Variants in CELF2 observed in about 807,000 individuals in gnomAD.
The protein encoded by CELF2 is CUG triplet repeat RNA-binding protein 2.
A neutral mutation model predicts 62.6 loss-of-function variants in CELF2; 8 were observed. The observed-to-expected ratio is 0.13, with a 90% CI of 0.07 to 0.23. The LOEUF is 0.23. CELF2 is among the 10% of genes least tolerant of loss of function. The pLI is 1.00. For synonymous variants in CELF2, 258 were observed against 250.0 expected, an observed-to-expected ratio of 1.03 and a Z score of -0.30; for missense variants, 333 against 671.0, an observed-to-expected ratio of 0.50 and a Z score of 5.56.
chr10:10,468,998 T>G, the CELF2 span, among the ~76,000 whole-genome samples: 1 of 151,954 alleles, frequency 6.6e-6, no homozygotes, highest in Non-Finnish European at 1.5e-5. Context: ...AGTATGAACT[T>G]ATTACAGTGC....
the CELF2 span, among the ~76,000 whole-genome samples, chr10:10,661,494 A>C: frequency 6.6e-6 from 1 of 152,220 alleles, no homozygotes; most frequent in African/African-American, 2.4e-5. Context: ...GGCCTTTTGA[A>C]GATATATGTC....
chr10:10,480,224 C>T, the CELF2 span, among the ~76,000 whole-genome samples: 157 of 152,256 alleles, frequency 1.0e-3, no homozygotes, highest in Non-Finnish European at 1.9e-3. Flanking sequence ...TGTGAAAACA[C>T]GGGAGCCCAA....
chr10:11,293,415 C>T (rs1215759721), intron 9 of CELF2, among the ~76,000 whole-genome samples: 2 of 152,260 alleles, frequency 1.3e-5, no homozygotes, highest in African/African-American at 4.8e-5. Flanking sequence ...AATGCCACCT[C>T]TACCATGAAG....
chr10:10,965,198 C>A (rs2049990916), intron 2 of CELF2, among the ~76,000 whole-genome samples: 1 of 152,006 alleles, frequency 6.6e-6, no homozygotes, highest in East Asian at 1.9e-4. Flanking sequence ...ATGAATATAG[C>A]CCTCTCTCTT....
intron 2 of CELF2, among the ~76,000 whole-genome samples, chr10:11,200,817 G>A (rs7085721): frequency 0.61 from 92,586 of 152,078 alleles, 29,142 homozygotes; most frequent in Non-Finnish European, 0.68. Context: ...AAAAGAAGAC[G>A]GAAATTAACT....
rs1034203566 is a variant in CELF2, at chr10:11,098,578, A to C, written c.75-66908A>C. 6.6e-6 allele frequency: 1 copy of C among 152,234 alleles called. No individual in the cohort carries two copies. The highest frequency in any genetic ancestry group is 2.4e-5 in the African/African-American group (1 of 41,460). The allele number at this position is 152,234 out of a possible 1,614,324, so 9.4% of individuals were successfully genotyped here. A position where few individuals can be genotyped will look rare whatever the true frequency, so the allele number is the denominator to read the frequency against. On this transcript the variant is annotated intron_variant, in intron 1 of 12. Coordinates refer to ENST00000633077, the MANE Select transcript of CELF2 (RefSeq NM_001326342.2). The surrounding 1 kb of genome is among the most constrained non-coding windows in gnomAD (Gnocchi z 4.0). ...AGAGATAACAGACACTGAAATCATC[A>C]CATATTCCTTTAGAAAGGCACAGTG...
At position 11,207,444 on chromosome 10, in the gene CELF2, G is replaced by A. The variant is rs1437828528; in HGVS notation, c.272-9981G>A. On this transcript the variant is annotated intron_variant, in intron 2 of 12. Transcript: ENST00000633077. This position sits in a 1 kb window ranked among gnomAD's most constrained non-coding sequence, Gnocchi z 4.1. The stretch of plus-strand genomic sequence containing the variant: ...TGTCAAATGGAGAGTTGGAGGGAAG[G>A]TATGGGGTTGCCAGGGACCCCAGTG... Among the ~76,000 whole-genome samples the A allele has an allele frequency of 6.6e-6, 1 of 152,198 alleles. No individual in the cohort carries two copies. The highest frequency in any genetic ancestry group is 1.9e-4 in the East Asian group (1 of 5,200).
rs141288262 is a variant in CELF2, at chr10:10,931,114, C to T, written c.89+11115C>T. 8.5e-5 allele frequency among the ~76,000 whole-genome samples: 13 copies of T among 152,260 alleles called. No individual in the cohort carries two copies. Among genetic ancestry groups the T allele is most frequent in the South Asian group, 4.1e-4 (2 of 4,820 alleles). The stretch of plus-strand genomic sequence containing the variant: ...TTTAAACCCTGTAAACCTTTCTTTT[C>T]GGATTAGGTTTTGTAAATGTTTCTA... On this transcript the variant is annotated intron_variant, in intron 2 of 13. Coordinates refer to the CELF2 transcript ENST00000636488. The surrounding 1 kb of genome is among the most constrained non-coding windows in gnomAD (Gnocchi z 6.1).
intron 2 of CELF2, among the ~76,000 whole-genome samples, chr10:11,000,110 A>T (rs1319306486): frequency 2.0e-5 from 3 of 152,146 alleles, no homozygotes; most frequent in African/African-American, 7.2e-5. Flanking sequence ...CATTGTGAAC[A>T]TGTTGTCTGC....
intron 1 of CELF2, among the ~76,000 whole-genome samples, chr10:11,036,097 C>CA (rs1365184398): frequency 1.3e-5 from 2 of 152,138 alleles, no homozygotes; most frequent in Admixed American, 1.3e-4. Context: ...CTCTGAAAGC[C>CA]AGGCTGTACT....
intron 1 of CELF2, among the ~76,000 whole-genome samples, chr10:10,844,726 G>A (rs550417169): frequency 1.3e-3 from 197 of 152,198 alleles, no homozygotes; most frequent in African/African-American, 4.6e-3. Context: ...TTTTATCTGT[G>A]TCTAAGGACC....
chr10:11,139,371 A>G (rs2060931220), intron 1 of CELF2, among the ~76,000 whole-genome samples: 1 of 152,246 alleles, frequency 6.6e-6, no homozygotes, highest in African/African-American at 2.4e-5. Context: ...ACAGTTCTAA[A>G]TAGTTGAAAA....
the CELF2 span, among the ~76,000 whole-genome samples, chr10:10,677,417 C>T: frequency 3.9e-5 from 6 of 152,134 alleles, no homozygotes; most frequent in Non-Finnish European, 8.8e-5. Flanking sequence ...GAGGTTTGGA[C>T]CACAGGGCAA....
At chr10:11,040,093 G>A (rs1340848185) in intron 1 of CELF2, among the ~76,000 whole-genome samples, 1 of 152,126 alleles carries the variant, frequency 6.6e-6, no homozygotes, top group Non-Finnish European at 1.5e-5. Context: ...CACTGATCAT[G>A]GGACCACATG....
chr10:10,817,902 T>C (rs2056617004), intron 1 of CELF2, among the ~76,000 whole-genome samples: 1 of 152,230 alleles, frequency 6.6e-6, no homozygotes, highest in South Asian at 2.1e-4. Context: ...AGTAGACTTT[T>C]GTGCAAAATA....
chr10:11,291,747 GTC>G (rs1207940274), intron 9 of CELF2, among the ~76,000 whole-genome samples: 2 of 152,156 alleles, frequency 1.3e-5, no homozygotes, highest in African/African-American at 4.8e-5. Context: ...TGACGACTGT[GTC>G]TCTGTTTATG....
intron 2 of CELF2, among the ~76,000 whole-genome samples, chr10:11,201,739 A>G (rs1274862225): frequency 6.6e-6 from 1 of 152,184 alleles, no homozygotes; most frequent in African/African-American, 2.4e-5. Flanking sequence ...ACTGCCCTAT[A>G]GATGACCAGG....
the CELF2 span, among the ~76,000 whole-genome samples, chr10:10,485,167 A>G: frequency 6.6e-6 from 1 of 152,054 alleles, no homozygotes; most frequent in African/African-American, 2.4e-5. Flanking sequence ...ATTGCCTACC[A>G]TTTCTGATCA....
intron 1 of CELF2, among the ~76,000 whole-genome samples, chr10:11,163,768 C>T (rs1350390351): frequency 2.0e-5 from 3 of 152,174 alleles, no homozygotes; most frequent in Admixed American, 6.5e-5. Flanking sequence ...CAGGACCTAG[C>T]GAAGAGTATT....
Sources: gnomAD v4.1 joint callset for allele counts (sites outside exome capture counted in the v4.1 genomes callset) on GRCh38, gnomAD v4.1.1 for gene constraint, Gnocchi (gnomAD v3.1) non-coding constraint, MANE v1.5 for transcripts, NCBI Gene and HGNC (gene_info 2026-07-23, HGNC 2026-07-21) for gene names.